Variants in COL23A1 observed in about 807,000 individuals in gnomAD.
The protein encoded by COL23A1 is collagen type XXIII alpha 1 chain.
COL23A1 carries 97 observed loss-of-function variants against 99.3 expected under a neutral mutation model. The observed-to-expected ratio is 0.98, with a 90% CI of 0.83 to 1.16. COL23A1 has a LOEUF of 1.16. Ranked by LOEUF, COL23A1 falls within the 50% of genes most tolerant of loss-of-function variation. The probability of loss-of-function intolerance (pLI) is 0.00; values close to 1 mark genes in which losing one functional copy is unlikely to be tolerated. For missense variants in COL23A1, 762 were observed against 757.4 expected, an observed-to-expected ratio of 1.01 and a Z score of -0.07; for synonymous variants, 320 against 308.2, an observed-to-expected ratio of 1.04 and a Z score of -0.40.
chr5:178,517,709 G>A (rs531739082), intron 2 of COL23A1, among the ~76,000 whole-genome samples: 134 of 147,918 alleles, frequency 9.1e-4, no homozygotes, highest in African/African-American at 3.1e-3. Flanking sequence ...TTACAGGCAC[G>A]TGCCACCACG....
intron 2 of COL23A1, among the ~76,000 whole-genome samples, chr5:178,477,838 G>A (rs1757115172): frequency 6.6e-6 from 1 of 152,192 alleles, no homozygotes; most frequent in African/African-American, 2.4e-5. Flanking sequence ...GGTGCTAATG[G>A]GTGAAGTCTG....
intron 2 of COL23A1, among the ~76,000 whole-genome samples, chr5:178,363,935 CCTG>C (rs1762314098): frequency 6.6e-6 from 1 of 152,208 alleles, no homozygotes; most frequent in Non-Finnish European, 1.5e-5. Flanking sequence ...GTGGTCAGCA[CCTG>C]CTATGTGGGA....
At chr5:178,403,139 A>AAAAAAAAAAAAAAC in intron 2 of COL23A1, among the ~76,000 whole-genome samples, 2 of 147,620 alleles carry the variant, frequency 1.4e-5, no homozygotes, top group Admixed American at 6.8e-5. Context: ...AATAAAAAAT[A>AAAAAAAAAAAAAAC]AATACCATTT....
intron 2 of COL23A1, among the ~76,000 whole-genome samples, chr5:178,403,131 T>TAAA (rs1296208700): frequency 6.7e-5 from 5 of 74,274 alleles, no homozygotes; most frequent in African/African-American, 2.2e-4. Context: ...AATAAATAAA[T>TAAA]AAAAAATAAA....
At chr5:178,413,735 T>C (rs1427501637) in intron 2 of COL23A1, among the ~76,000 whole-genome samples, 1 of 152,166 alleles carries the variant, frequency 6.6e-6, no homozygotes, top group African/African-American at 2.4e-5. Flanking sequence ...TATGTGGGGA[T>C]GGGGAATTGG....
chr5:178,405,116 G>A (rs1764688578), intron 2 of COL23A1, among the ~76,000 whole-genome samples: 1 of 152,212 alleles, frequency 6.6e-6, no homozygotes, highest in African/African-American at 2.4e-5. Flanking sequence ...TCGCACCACA[G>A]GCCACAAACA....
rs1163666437 is a variant in COL23A1 at position 178,365,937 on chromosome 5, C to T, written c.362-59018G>A. On this transcript the variant is annotated intron_variant, in intron 2 of 28. Coordinates refer to ENST00000390654, the MANE Select transcript of COL23A1 (RefSeq NM_173465.4). This position sits in a 1 kb window ranked among gnomAD's most constrained non-coding sequence, Gnocchi z 5.2. The stretch of plus-strand genomic sequence containing the variant: ...GAAGGGGGGATGGTCAAGCGCACCA[C>T]AGGCTTGGAAGCAGACACGCCCAGT... 6.6e-6 allele frequency among the ~76,000 whole-genome samples: 1 copy of T among 152,112 alleles called. No homozygotes were observed. The highest frequency in any genetic ancestry group is 2.4e-5 in the African/African-American group (1 of 41,398).
intron 2 of COL23A1, among the ~76,000 whole-genome samples, chr5:178,354,617 C>T (rs1761518678): frequency 6.6e-6 from 1 of 152,188 alleles, no homozygotes; most frequent in Non-Finnish European, 1.5e-5. Context: ...TCACCCTTCG[C>T]TGTCTCTCTC....
intron 2 of COL23A1, among the ~76,000 whole-genome samples, chr5:178,431,024 G>A (rs994125068): frequency 6.6e-6 from 1 of 152,134 alleles, no homozygotes; most frequent in Non-Finnish European, 1.5e-5. Flanking sequence ...TAGGAAGGAG[G>A]AGCAGAGTTC....
chr5:178,305,492 A>G (rs1040377391), intron 3 of COL23A1, among the ~76,000 whole-genome samples: 1 of 152,194 alleles, frequency 6.6e-6, no homozygotes, highest in African/African-American at 2.4e-5. Context: ...GGGGCTGGGC[A>G]TTCATTCGTT....
At chr5:178,536,369 C>T (rs532282785) in intron 2 of COL23A1, among the ~76,000 whole-genome samples, 39 of 152,374 alleles carry the variant, frequency 2.6e-4, no homozygotes, top group African/African-American at 8.9e-4. Context: ...ATCCCGACCA[C>T]ATCACCGGGA....
intron 2 of COL23A1, among the ~76,000 whole-genome samples, chr5:178,478,542 G>A (rs1187350095): frequency 6.6e-6 from 1 of 152,184 alleles, no homozygotes; most frequent in Non-Finnish European, 1.5e-5. Context: ...CCAGCACTGA[G>A]GCCCACAGTC....
intron 2 of COL23A1, among the ~76,000 whole-genome samples, chr5:178,479,907 G>A (rs1482270522): frequency 3.3e-5 from 5 of 152,144 alleles, no homozygotes; most frequent in African/African-American, 1.2e-4. Flanking sequence ...CCTAGATGGG[G>A]CGGCCTACTG....
intron 5 of COL23A1, among the ~76,000 whole-genome samples, chr5:178,272,626 A>G (rs1426846544): frequency 6.6e-6 from 1 of 152,108 alleles, no homozygotes; most frequent in African/African-American, 2.4e-5. Context: ...TGAGCCTCCC[A>G]GGAGCTGCCC....
chr5:178,502,290 C>G (rs968242381), intron 2 of COL23A1, among the ~76,000 whole-genome samples: 4 of 152,130 alleles, frequency 2.6e-5, no homozygotes, highest in Non-Finnish European at 4.4e-5. Flanking sequence ...CGCCACCACG[C>G]CCGGCTAATT....
chr5:178,374,991 C>T (rs947801583), intron 2 of COL23A1, among the ~76,000 whole-genome samples: 9 of 152,286 alleles, frequency 5.9e-5, no homozygotes, highest in Admixed American at 1.3e-4. Flanking sequence ...TAGAAGCATA[C>T]GTATAACAGC....
chr5:178,249,716 A>ACACACTCTCTCTCTCTCT, intron 18 of COL23A1, among the ~76,000 whole-genome samples: 13 of 92,810 alleles, frequency 1.4e-4, no homozygotes, highest in South Asian at 8.4e-4. Flanking sequence ...ACACACACAC[A>ACACACTCTCTCTCTCTCT]CTCTCTCTCT....
chr5:178,423,528 C>T (rs1403896173), intron 2 of COL23A1, among the ~76,000 whole-genome samples: 2 of 152,120 alleles, frequency 1.3e-5, no homozygotes, highest in Admixed American at 6.6e-5. Flanking sequence ...TGGGCTGAGC[C>T]GCGATGCTCG....
intron 1 of COL23A1, among the ~76,000 whole-genome samples, chr5:178,568,869 G>A (rs148828382): frequency 6.6e-6 from 1 of 152,316 alleles, no homozygotes; most frequent in Admixed American, 6.5e-5. Flanking sequence ...TGGCTGTTGT[G>A]TACGGCGCTG....
Sources: allele counts gnomAD v4.1 joint callset (sites outside exome capture counted in the v4.1 genomes callset), GRCh38; gene constraint gnomAD v4.1.1; non-coding constraint Gnocchi (gnomAD v3.1); transcripts MANE v1.5; gene names NCBI Gene and HGNC (gene_info 2026-07-23, HGNC 2026-07-21).